The following ZRANB3 variants were observed in gnomAD, a reference collection of about 807,000 sequenced individuals.
ZRANB3 encodes zinc finger RANBP2-type containing 3, also known as DNA annealing helicase and endonuclease ZRANB3.
In ZRANB3, 125 loss-of-function variants were observed where a neutral mutation model predicts 133.8. That is an observed-to-expected ratio of 0.93 (90% confidence interval 0.81 to 1.08). The LOEUF is 1.08. Among genes scored for constraint, ZRANB3 ranks in the 50% least tolerant of loss-of-function variants. The pLI is 0.00. For synonymous variants in ZRANB3, 387 were observed against 432.7 expected, an observed-to-expected ratio of 0.89 and a Z score of 1.31; for missense variants, 1,229 against 1,275.5, an observed-to-expected ratio of 0.96 and a Z score of 0.56.
intron 2 of ZRANB3, among the ~76,000 whole-genome samples, chr2:135,482,364 T>G (rs1691860472): frequency 7.0e-6 from 1 of 143,638 alleles, no homozygotes; most frequent in South Asian, 2.3e-4. Flanking sequence ...AGGTATTTTA[T>G]TCTCTTTGAA....
chr2:135,479,540 C>G (rs908251487), intron 2 of ZRANB3, among the ~76,000 whole-genome samples: 1 of 152,134 alleles, frequency 6.6e-6, no homozygotes, highest in Non-Finnish European at 1.5e-5. Flanking sequence ...AAGGCTGAGG[C>G]GGGAGAATCA....
chr2:135,520,742 G>A (rs560428084), intron 1 of ZRANB3, among the ~76,000 whole-genome samples: 4 of 151,918 alleles, frequency 2.6e-5, no homozygotes, highest in Admixed American at 6.5e-5. Flanking sequence ...CTGCCACTGC[G>A]CCCAGCTAAT....
intron 8 of ZRANB3, among the ~76,000 whole-genome samples, chr2:135,293,638 T>C (rs1258426049): frequency 6.6e-6 from 1 of 151,836 alleles, no homozygotes; most frequent in South Asian, 2.1e-4. Context: ...CTATGTTGAA[T>C]AGGAGTGGTG....
At chr2:135,521,288 C>T (rs1210013673) in intron 1 of ZRANB3, among the ~76,000 whole-genome samples, 1 of 152,094 alleles carries the variant, frequency 6.6e-6, no homozygotes, top group Admixed American at 6.5e-5. Context: ...ATGGCTCATG[C>T]CTGTAATCCC....
intron 1 of ZRANB3, among the ~76,000 whole-genome samples, chr2:135,530,071 C>CA (rs1411881034): frequency 2.0e-5 from 3 of 151,066 alleles, no homozygotes; most frequent in African/African-American, 7.3e-5. Flanking sequence ...ACTAAAAATA[C>CA]AAAAAATTAG....
At chr2:135,270,979 A>T (rs1344631119) in intron 10 of ZRANB3, among the ~76,000 whole-genome samples, 2 of 152,198 alleles carry the variant, frequency 1.3e-5, no homozygotes, top group Non-Finnish European at 2.9e-5. Context: ...CCTTTGTAAC[A>T]TAACACCCAA....
At chr2:135,204,394 C>A (rs1432395646) in intron 19 of ZRANB3, among the ~76,000 whole-genome samples, 1 of 152,034 alleles carries the variant, frequency 6.6e-6, no homozygotes, top group Middle Eastern at 3.2e-3. Flanking sequence ...GAGCAGCCCC[C>A]ACTCTGACAG....
chr2:135,504,378 G>C lies in ZRANB3; in HGVS notation c.112C>G (p.Leu38Val). 6.2e-7 allele frequency: 1 copy of C among 1,613,662 alleles called. No individual in the cohort carries two copies. Among genetic ancestry groups the C allele is most frequent in the Non-Finnish European group, 8.5e-7 (1 of 1,179,724 alleles). ...ATGATGCCATCTTTCTGGAATGGAAGTAGCTTTGCTCTTAGTCTGTCAGGC... is the reference window on the plus strand; with the variant it reads ...ATGATGCCATCTTTCTGGAATGGAACTAGCTTTGCTCTTAGTCTGTCAGGC... ...FLPDRLRAKLLPFQKDGIIFA... is the reference protein window; with the variant it reads ...FLPDRLRAKLVPFQKDGIIFA... Residue 38 changes from leucine (L) to valine (V), a missense_variant, in exon 2 of 21, where the codon CTT becomes GTT. By Grantham distance (32) the Leu-to-Val change is conservative. Transcript: ENST00000264159.
At chr2:135,372,297 T>G (rs1686218613) in intron 3 of ZRANB3, among the ~76,000 whole-genome samples, 1 of 152,118 alleles carries the variant, frequency 6.6e-6, no homozygotes, top group Non-Finnish European at 1.5e-5. Flanking sequence ...GGCGCCTTGA[T>G]CTTAGACTTC....
At chr2:135,406,349 A>G (rs1688028501) in intron 2 of ZRANB3, among the ~76,000 whole-genome samples, 1 of 152,118 alleles carries the variant, frequency 6.6e-6, no homozygotes, top group African/African-American at 2.4e-5. Flanking sequence ...CAACCAAAAA[A>G]AGCCCAGGAC....
intron 3 of ZRANB3, among the ~76,000 whole-genome samples, chr2:135,356,632 T>C (rs1040832779): frequency 3.9e-5 from 6 of 152,206 alleles, no homozygotes; most frequent in African/African-American, 1.4e-4. Context: ...TAACTCCAGA[T>C]GTTATTTTTC....
intron 2 of ZRANB3, among the ~76,000 whole-genome samples, chr2:135,427,688 T>A (rs1689154712): frequency 6.6e-6 from 1 of 152,138 alleles, no homozygotes; most frequent in Non-Finnish European, 1.5e-5. Flanking sequence ...TTCACAGAAT[T>A]AGAAAGAGCT....
chr2:135,200,437 T>C lies in ZRANB3; in HGVS notation c.3145A>G (p.Thr1049Ala), dbSNP rs1693571679. ...TLCTVCHKER[T>A]ARQAKERSQV... ...CTTCTTTCCTTAGCTTGTCTGGCAG[T>C]TCTCTAAAAGTTAAAAAATATGCAT... The change falls in exon 21 of 21, where the codon ACT (threonine) becomes GCT (alanine). Residue 1049 changes from threonine to alanine, a missense_variant. By Grantham distance (58) the Thr-to-Ala change is moderately conservative. Transcript: ENST00000264159. 2 of 1,597,540 alleles carry C rather than the reference T, an allele frequency of 1.3e-6. No homozygotes were observed. The highest frequency in any genetic ancestry group is 1.7e-6 in the Non-Finnish European group (2 of 1,171,046).
chr2:135,399,514 G>A (rs937596227), intron 2 of ZRANB3, among the ~76,000 whole-genome samples: 1 of 152,036 alleles, frequency 6.6e-6, no homozygotes, highest in Non-Finnish European at 1.5e-5. Flanking sequence ...TAAACTGGAG[G>A]GTTTTTTTTA....
chr2:135,295,864 T>C (rs949412477), intron 8 of ZRANB3, among the ~76,000 whole-genome samples: 47 of 152,252 alleles, frequency 3.1e-4, no homozygotes. Context: ...TATGAAATTC[T>C]GGGTTGAAAA....
At chr2:135,380,963 G>T (rs1686661510) in intron 3 of ZRANB3, among the ~76,000 whole-genome samples, 1 of 152,144 alleles carries the variant, frequency 6.6e-6, no homozygotes. Context: ...TTCCAACTGA[G>T]GTACTGGGTT....
At chr2:135,213,266 A>C (rs528084497) in intron 17 of ZRANB3, among the ~76,000 whole-genome samples, 2 of 152,156 alleles carry the variant, frequency 1.3e-5, no homozygotes, top group African/African-American at 4.8e-5. Flanking sequence ...CTCACTCTTT[A>C]TCTCTACTGA....
At chr2:135,272,244 T>TAA (rs1196445237) in intron 9 of ZRANB3, among the ~76,000 whole-genome samples, 1 of 152,082 alleles carries the variant, frequency 6.6e-6, no homozygotes, top group East Asian at 1.9e-4. Flanking sequence ...ACGCAAACTT[T>TAA]AAACCATGGA....
chr2:135,385,777 G>A (rs1574015171), intron 3 of ZRANB3, among the ~76,000 whole-genome samples: 3 of 152,236 alleles, frequency 2.0e-5, no homozygotes, highest in Middle Eastern at 6.8e-3. Flanking sequence ...CAGAAAACTG[G>A]CTAGCCATGT....
Sources: gnomAD v4.1 joint callset for allele counts (sites outside exome capture counted in the v4.1 genomes callset) on GRCh38, gnomAD v4.1.1 for gene constraint, MANE v1.5 for transcripts, NCBI Gene and HGNC (gene_info 2026-07-23, HGNC 2026-07-21) for gene names.